The following NRXN1 variants were observed in gnomAD, a reference collection of about 807,000 sequenced individuals.
NRXN1 encodes the protein neurexin 1, also known as neurexin-1.
A neutral mutation model predicts 150.9 loss-of-function variants in NRXN1; 39 were observed. That is an observed-to-expected ratio of 0.26 (90% CI 0.20 to 0.34). The LOEUF (loss-of-function observed/expected upper bound fraction) is 0.34, where lower values mean the gene tolerates loss of function less well. Among genes scored for constraint, NRXN1 ranks in the 10% least tolerant of loss-of-function variants. The pLI is 1.00. For synonymous variants in NRXN1, 924 were observed against 757.0 expected (o/e 1.22, Z -3.62); for missense variants, 1,815 against 1,949.9 (o/e 0.93, Z 1.30).
At chr2:50,266,889 A>T (rs983899680) in intron 17 of NRXN1, among the ~76,000 whole-genome samples, 1 of 152,224 alleles carries the variant, frequency 6.6e-6, no homozygotes, top group African/African-American at 2.4e-5. Flanking sequence ...ATAAACAAGT[A>T]TAGAAAACAT....
rs375637576 is a variant in NRXN1, at chr2:50,515,293, C to A, written c.2375-8676G>T. Among the ~76,000 whole-genome samples the A allele has an allele frequency of 1.6e-4, 25 of 152,244 alleles. No individual in the cohort carries two copies. The East Asian group carries it at 3.3e-3, about 20-fold the overall frequency. On this transcript the variant is annotated intron_variant, in intron 12 of 22. Transcript: ENST00000401669. ...ATGAGACTCTCTAGTTGCTGGTAAA[C>A]AACCTCTAGTTTTACTGATTCTACC...
chr2:50,530,048 G>A (rs2105197469), intron 11 of NRXN1, among the ~76,000 whole-genome samples: 1 of 152,030 alleles, frequency 6.6e-6, no homozygotes, highest in South Asian at 2.1e-4. Context: ...TCCTTTTTTG[G>A]GGTAAATCTA....
chr2:49,932,040 A>G (rs187648208), intron 22 of NRXN1, among the ~76,000 whole-genome samples: 1 of 151,978 alleles, frequency 6.6e-6, no homozygotes, highest in Non-Finnish European at 1.5e-5. Flanking sequence ...TTATAGCTAG[A>G]GTAATGAGGA....
At chr2:50,865,658 G>GTTGTTTTTT in intron 5 of NRXN1, among the ~76,000 whole-genome samples, 1 of 41,860 alleles carries the variant, frequency 2.4e-5, no homozygotes, top group Admixed American at 4.1e-4. Context: ...GCATTTGAAA[G>GTTGTTTTTT]TTTTTTTTTT....
At position 51,028,414 on chromosome 2, in the gene NRXN1, A is replaced by G; in HGVS notation, c.-141T>C. 2.0e-6 allele frequency: 1 copy of G among 492,522 alleles called. No individual in the cohort carries two copies. The highest frequency in any genetic ancestry group is 3.4e-6 in the Non-Finnish European group (1 of 292,026). 30.5% of individuals were successfully genotyped at this position (492,522 alleles called of 1,614,324 possible). ...GAGTGAGAGGGATGTGCCCTCCTTT[A>G]TCTAGTTCTTTTTTTCTTCTTCTTC... On this transcript the variant is annotated 5_prime_UTR_variant, in exon 2 of 23. Transcript: ENST00000401669.
chr2:50,640,160 C>T (rs1460759759), intron 5 of NRXN1, among the ~76,000 whole-genome samples: 1 of 152,014 alleles, frequency 6.6e-6, no homozygotes, highest in Non-Finnish European at 1.5e-5. Context: ...GGCCCCAGAC[C>T]CCACCTCAAT....
chr2:50,641,670 C>A (rs527329279), intron 5 of NRXN1, among the ~76,000 whole-genome samples: 2 of 151,966 alleles, frequency 1.3e-5, no homozygotes, highest in Non-Finnish European at 2.9e-5. Context: ...TAGGGCAAAG[C>A]GGTTTTGAGG....
chr2:50,414,395 A>T (rs897737579), intron 17 of NRXN1, among the ~76,000 whole-genome samples: 7 of 152,020 alleles, frequency 4.6e-5, no homozygotes, highest in African/African-American at 1.7e-4. Context: ...TTTTTGGGGG[A>T]ATATTTTTCG....
chr2:50,370,474 C>G (rs1173987848), intron 17 of NRXN1, among the ~76,000 whole-genome samples: 3 of 151,938 alleles, frequency 2.0e-5, no homozygotes, highest in Non-Finnish European at 2.9e-5. Context: ...TAGAATGATG[C>G]TTTCTGGCAT....
chr2:50,122,647 C>A (rs769514472), intron 18 of NRXN1, among the ~76,000 whole-genome samples: 1 of 152,228 alleles, frequency 6.6e-6, no homozygotes, highest in African/African-American at 2.4e-5. Context: ...GTTCCATAAC[C>A]CTTGCTAGCA....
chr2:50,103,309 A>G (rs1021282291), intron 18 of NRXN1, among the ~76,000 whole-genome samples: 1 of 152,042 alleles, frequency 6.6e-6, no homozygotes, highest in Non-Finnish European at 1.5e-5. Context: ...TTTTATCTCA[A>G]GATGTAGTAA....
intron 5 of NRXN1, among the ~76,000 whole-genome samples, chr2:50,807,956 T>C (rs1337599702): frequency 5.9e-5 from 9 of 152,150 alleles, no homozygotes; most frequent in African/African-American, 1.9e-4. Flanking sequence ...TAAAATGTCA[T>C]CAAATTTAAA....
chr2:50,901,200 AT>A (rs1347959193), intron 5 of NRXN1, among the ~76,000 whole-genome samples: 2 of 152,078 alleles, frequency 1.3e-5, no homozygotes, highest in Admixed American at 6.6e-5. Context: ...GATTCAATAA[AT>A]TTGAACTGAG....
chr2:50,754,979 C>T (rs1559214855), intron 5 of NRXN1, among the ~76,000 whole-genome samples: 3 of 151,770 alleles, frequency 2.0e-5, no homozygotes, highest in Non-Finnish European at 4.4e-5. Context: ...GGTCTTGCAC[C>T]AGTTAATGTT....
At chr2:49,984,175 A>T (rs1680504622) in intron 21 of NRXN1, among the ~76,000 whole-genome samples, 2 of 152,228 alleles carry the variant, frequency 1.3e-5, no homozygotes, top group Admixed American at 1.3e-4. Flanking sequence ...TCAAAAAATT[A>T]AGAAAAAAAA....
chr2:50,841,866 T>C (rs1672925831), intron 5 of NRXN1, among the ~76,000 whole-genome samples: 1 of 152,192 alleles, frequency 6.6e-6, no homozygotes, highest in South Asian at 2.1e-4. Flanking sequence ...TATCTGATAT[T>C]GAACTTACTG....
rs577756111 is a variant in NRXN1 at position 50,067,798 on chromosome 2, C to A, written c.3719-12754G>T. 5.3e-5 allele frequency among the ~76,000 whole-genome samples: 8 copies of A among 152,300 alleles called. No individual in the cohort carries two copies. The South Asian group carries it at 1.4e-3, about 28-fold the overall frequency. ...TTGCCATTTTCCCAGATATGAGAAT[C>A]TTGAGTACTTTCTAAATCATAATGT... On this transcript the variant is annotated intron_variant, in intron 19 of 22. Coordinates refer to ENST00000401669, the MANE Select transcript of NRXN1 (RefSeq NM_001330078.2).
chr2:50,552,735 C>T lies in NRXN1; in HGVS notation c.1611G>A (p.Lys537=), dbSNP rs1285171118. The change falls in exon 9 of 23, where the codon AAG becomes AAA. Residue 537 remains lysine, a synonymous_variant. Coordinates refer to ENST00000401669, the MANE Select transcript of NRXN1 (RefSeq NM_001330078.2). ...QKDAKHPQMI[K]VDFFAIEMLD... is the part of the protein sequence containing the mutation. Reference sequence around the variant, plus strand: ...GCATCTCAATAGCAAAGAAGTCCACCTTTATCATCTGTGGGTGCTTGGCAT... The same window carrying T: ...GCATCTCAATAGCAAAGAAGTCCACTTTTATCATCTGTGGGTGCTTGGCAT... The T allele has an allele frequency of 6.2e-7, 1 of 1,613,804 alleles. No homozygotes were observed. Among genetic ancestry groups the T allele is most frequent in the African/African-American group, 1.3e-5 (1 of 74,908 alleles).
intron 18 of NRXN1, among the ~76,000 whole-genome samples, chr2:50,161,102 T>C (rs2059337292): frequency 6.6e-6 from 1 of 152,158 alleles, no homozygotes; most frequent in South Asian, 2.1e-4. Flanking sequence ...AAATATAATC[T>C]GCCATAATCT....
Sources: allele counts gnomAD v4.1 joint callset (sites outside exome capture counted in the v4.1 genomes callset), GRCh38; gene constraint gnomAD v4.1.1; transcripts MANE v1.5; gene names NCBI Gene and HGNC (gene_info 2026-07-23, HGNC 2026-07-21).